The following TRDN variants were observed in gnomAD, a reference collection of about 807,000 sequenced individuals.
TRDN encodes triadin in skeletal muscle.
TRDN carries 161 observed loss-of-function variants against 149.7 expected under a neutral mutation model. That is an observed-to-expected ratio of 1.08 (90% confidence interval 0.95 to 1.23). TRDN has a LOEUF of 1.23. Among genes scored for constraint, TRDN ranks in the 50% most tolerant of loss-of-function variants. The pLI is 0.00. For missense variants in TRDN, 896 were observed against 823.5 expected (o/e 1.09, Z -1.08); for synonymous variants, 294 against 250.5 (o/e 1.17, Z -1.64).
At chr6:123,219,531 G>T (rs757910466) in intron 40 of TRDN, among the ~76,000 whole-genome samples, 39 of 151,874 alleles carry the variant, frequency 2.6e-4, no homozygotes, top group African/African-American at 9.4e-4. Flanking sequence ...TGGTGTGTGG[G>T]AGATAAAGAA....
intron 38 of TRDN, among the ~76,000 whole-genome samples, chr6:123,231,598 G>A (rs1775604332): frequency 6.6e-6 from 1 of 151,922 alleles, no homozygotes; most frequent in South Asian, 2.1e-4. Context: ...CTAGACTCCT[G>A]GGCTTAGAAA....
At chr6:123,541,220 C>T (rs1396422149) in intron 4 of TRDN, among the ~76,000 whole-genome samples, 1 of 152,188 alleles carries the variant, frequency 6.6e-6, no homozygotes, top group Non-Finnish European at 1.5e-5. Flanking sequence ...TGAGTTGCCT[C>T]AGAGACTCTT....
At chr6:123,634,828 GA>G (rs1786209488) in intron 1 of TRDN, among the ~76,000 whole-genome samples, 1 of 151,802 alleles carries the variant, frequency 6.6e-6, no homozygotes, top group Non-Finnish European at 1.5e-5. Flanking sequence ...CCCGGAAGTG[GA>G]AAATGACCAT....
chr6:123,332,932 G>A (rs1779715071), intron 22 of TRDN, among the ~76,000 whole-genome samples: 1 of 151,878 alleles, frequency 6.6e-6, no homozygotes, highest in African/African-American at 2.4e-5. Flanking sequence ...TTTCTTGTCG[G>A]GTAAGCTGTA....
At chr6:123,586,348 G>C (rs987960004) in intron 1 of TRDN, among the ~76,000 whole-genome samples, 1 of 151,734 alleles carries the variant, frequency 6.6e-6, no homozygotes, top group Non-Finnish European at 1.5e-5. Context: ...GGCGAGGAGG[G>C]GAGAGGTCAG....
At chr6:123,634,581 A>G (rs1243007333) in intron 1 of TRDN, among the ~76,000 whole-genome samples, 2 of 152,016 alleles carry the variant, frequency 1.3e-5, no homozygotes, top group Admixed American at 1.3e-4. Context: ...GAGGAAGACA[A>G]TTGTAGCTAG....
At chr6:123,592,756 T>C (rs1328418442) in intron 1 of TRDN, among the ~76,000 whole-genome samples, 1 of 152,196 alleles carries the variant, frequency 6.6e-6, no homozygotes, top group Admixed American at 6.5e-5. Flanking sequence ...AAAATTGTGG[T>C]TGCTTTAGAG....
At chr6:123,608,028 T>A (rs1382122023) in intron 1 of TRDN, among the ~76,000 whole-genome samples, 1 of 151,978 alleles carries the variant, frequency 6.6e-6, no homozygotes, top group Non-Finnish European at 1.5e-5. Flanking sequence ...TATGAAGAAG[T>A]GCCAATAAGG....
intron 1 of TRDN, among the ~76,000 whole-genome samples, chr6:123,578,847 A>T (rs1782983539): frequency 6.6e-6 from 1 of 151,800 alleles, no homozygotes; most frequent in South Asian, 2.1e-4. Flanking sequence ...TGTAATTCTC[A>T]TTGTAGAGAT....
chr6:123,378,621 T>C (rs1000855295), intron 16 of TRDN, among the ~76,000 whole-genome samples: 3 of 152,098 alleles, frequency 2.0e-5, no homozygotes, highest in Admixed American at 6.5e-5. Context: ...CGCAGCTTAT[T>C]GCAGTTATTT....
At chr6:123,241,586 G>T (rs1775991592) in intron 38 of TRDN, among the ~76,000 whole-genome samples, 1 of 151,602 alleles carries the variant, frequency 6.6e-6, no homozygotes, top group Non-Finnish European at 1.5e-5. Flanking sequence ...AATATTAAAA[G>T]TTAGAAAGCT....
At chr6:123,391,277 C>G (rs1782104317) in intron 13 of TRDN, among the ~76,000 whole-genome samples, 1 of 151,992 alleles carries the variant, frequency 6.6e-6, no homozygotes, top group East Asian at 1.9e-4. Context: ...TAGTTTTTTC[C>G]CTTCAGCTAG....
At chr6:123,394,268 C>A (rs12661427) in intron 12 of TRDN, among the ~76,000 whole-genome samples, 24,516 of 151,338 alleles carry the variant, frequency 0.16, 2,108 homozygotes, top group South Asian at 0.23. Context: ...TGTTTTTCTC[C>A]TTTGTTCAGA....
At chr6:123,472,569 T>C (rs1329525810) in intron 9 of TRDN, among the ~76,000 whole-genome samples, 1 of 152,094 alleles carries the variant, frequency 6.6e-6, no homozygotes, top group Non-Finnish European at 1.5e-5. Context: ...TCGAACTGGG[T>C]GGAGCCCACC....
At chr6:123,404,977 A>G (rs1380847065) in intron 12 of TRDN, among the ~76,000 whole-genome samples, 1 of 152,202 alleles carries the variant, frequency 6.6e-6, no homozygotes, top group African/African-American at 2.4e-5. Context: ...TTAAATTGGT[A>G]TTTAGCTGGC....
At chr6:123,288,998 G>T (rs1466952814) in intron 24 of TRDN, among the ~76,000 whole-genome samples, 1 of 146,396 alleles carries the variant, frequency 6.8e-6, no homozygotes, top group African/African-American at 2.5e-5. Context: ...ACAAATATAT[G>T]GATTTAAAAA....
At chr6:123,551,427 G>C (rs1370400017) in intron 2 of TRDN, among the ~76,000 whole-genome samples, 1 of 150,380 alleles carries the variant, frequency 6.6e-6, no homozygotes, top group Non-Finnish European at 1.5e-5. Context: ...CTGTCTTTCA[G>C]ACCTCACATC....
At position 123,512,305 on chromosome 6, in the gene TRDN, T is replaced by C. The variant is rs1159052340; in HGVS notation, c.608A>G (p.Lys203Arg). 2.0e-6 allele frequency: 3 copies of C among 1,468,828 alleles called. No homozygotes were observed. Among genetic ancestry groups the C allele is most frequent in the East Asian group, 2.3e-5 (1 of 42,960 alleles). The allele number at this position is 1,468,828 out of a possible 1,614,324, so 91.0% of individuals were successfully genotyped here. ...GAAATAATAAATTGAAAAGTTACCTTTCGCCAGTGTCTTTGTTTCTGGTTT... is the reference window on the plus strand; with the variant it reads ...GAAATAATAAATTGAAAAGTTACCTCTCGCCAGTGTCTTTGTTTCTGGTTT... The part of the protein sequence containing the change: ...KEKPETKTLA[K>R]EQKKAKTAEK... The change falls in exon 7 of 41, where the codon AAA becomes AGA. Residue 203 changes from lysine (K) to arginine (R), a missense_variant and splice_region_variant. Transcript: ENST00000334268.
At chr6:123,345,562 A>C (rs1780217543) in intron 21 of TRDN, among the ~76,000 whole-genome samples, 1 of 151,956 alleles carries the variant, frequency 6.6e-6, no homozygotes, top group Admixed American at 6.6e-5. Context: ...TTTTCATATA[A>C]ACTTTAGAAT....
Sources: gnomAD v4.1 joint callset for allele counts (sites outside exome capture counted in the v4.1 genomes callset) on GRCh38, gnomAD v4.1.1 for gene constraint, MANE v1.5 for transcripts, NCBI Gene and HGNC (gene_info 2026-07-23, HGNC 2026-07-21) for gene names.